The following HORMAD2 variants were observed in gnomAD, a reference collection of about 807,000 sequenced individuals.
HORMAD2 encodes HORMA domain-containing protein 2.
Under a neutral mutation model 38.8 loss-of-function variants are expected in HORMAD2, and 45 were observed. That is an observed-to-expected ratio of 1.16 (90% CI 0.91 to 1.49). HORMAD2 has a LOEUF of 1.49. Among genes scored for constraint, HORMAD2 ranks in the 40% most tolerant of loss-of-function variants. HORMAD2 has a pLI of 0.00. For synonymous variants in HORMAD2, 126 were observed against 122.8 expected, an observed-to-expected ratio of 1.03 and a Z score of -0.17; for missense variants, 338 against 367.0, an observed-to-expected ratio of 0.92 and a Z score of 0.65.
At chr22:30,119,532 T>C (rs1156290193) in intron 8 of HORMAD2, among the ~76,000 whole-genome samples, 1 of 152,328 alleles carries the variant, frequency 6.6e-6, no homozygotes, top group African/African-American at 2.4e-5. Context: ...CACTGCAGTT[T>C]CCTTATGAAG....
chr22:30,116,521 T>C (rs1454661736), intron 7 of HORMAD2, among the ~76,000 whole-genome samples: 2 of 152,188 alleles, frequency 1.3e-5, no homozygotes, highest in Non-Finnish European at 2.9e-5. Flanking sequence ...CTTTGGCCTA[T>C]GTGACTATAT....
intron 10 of HORMAD2, among the ~76,000 whole-genome samples, chr22:30,150,491 TC>T (rs1425187743): frequency 6.6e-6 from 1 of 152,110 alleles, no homozygotes; most frequent in Non-Finnish European, 1.5e-5. Flanking sequence ...TTCCTCCTCT[TC>T]CCCCACCCAC....
chr22:30,147,869 G>A (rs1389681632), intron 10 of HORMAD2, among the ~76,000 whole-genome samples: 1 of 152,144 alleles, frequency 6.6e-6, no homozygotes, highest in African/African-American at 2.4e-5. Context: ...CAGCACTTTG[G>A]GAGGCCCTGG....
intron 5 of HORMAD2, 49 bp from the exon 6 acceptor site, chr22:30,111,747 A>G (rs1921673178): frequency 7.2e-7 from 1 of 1,388,812 alleles, no homozygotes; most frequent in Non-Finnish European, 9.8e-7. Flanking sequence ...GAATGATAAT[A>G]TAGGTGCAAG....
intron 5 of HORMAD2, among the ~76,000 whole-genome samples, chr22:30,106,831 T>C (rs1014717230): frequency 2.0e-5 from 3 of 152,234 alleles, no homozygotes; most frequent in Non-Finnish European, 4.4e-5. Context: ...AATGAGTTAA[T>C]AATCTAAAGC....
chr22:30,204,723 T>TC, the HORMAD2 span, among the ~76,000 whole-genome samples: 1 of 152,168 alleles, frequency 6.6e-6, no homozygotes, highest in African/African-American at 2.4e-5. Flanking sequence ...AAAGACGTTG[T>TC]TTTTCATTTA....
intron 10 of HORMAD2, among the ~76,000 whole-genome samples, chr22:30,125,947 C>T (rs934423141): frequency 7.9e-5 from 12 of 152,070 alleles, no homozygotes; most frequent in Non-Finnish European, 1.8e-4. Context: ...TTACATTTTG[C>T]CCCCTGGACA....
chr22:30,085,212 A>G (rs1414127389), intron 1 of HORMAD2, among the ~76,000 whole-genome samples: 1 of 152,148 alleles, frequency 6.6e-6, no homozygotes, highest in Non-Finnish European at 1.5e-5. Flanking sequence ...ATTTATATGT[A>G]ATGTTCAGAA....
At chr22:30,126,052 C>T (rs1922835913) in intron 10 of HORMAD2, among the ~76,000 whole-genome samples, 1 of 152,280 alleles carries the variant, frequency 6.6e-6, no homozygotes, top group East Asian at 1.9e-4. Flanking sequence ...CCCTGAGAAA[C>T]CCCCAGTCTT....
chr22:30,139,137 A>G (rs935103137), intron 10 of HORMAD2, among the ~76,000 whole-genome samples: 2 of 151,408 alleles, frequency 1.3e-5, no homozygotes, highest in African/African-American at 4.9e-5. Flanking sequence ...CGCATCATCA[A>G]CTTTCCTGGG....
intron 10 of HORMAD2, among the ~76,000 whole-genome samples, chr22:30,161,067 C>A (rs1925412163): frequency 6.6e-6 from 1 of 152,148 alleles, no homozygotes; most frequent in African/African-American, 2.4e-5. Context: ...TCTGCCTCTG[C>A]CTTGTGTGGA....
At chr22:30,202,985 G>A in the HORMAD2 span, among the ~76,000 whole-genome samples, 1 of 152,216 alleles carries the variant, frequency 6.6e-6, no homozygotes, top group Admixed American at 6.5e-5. Flanking sequence ...AGGAGGCTGG[G>A]CCTACAGAGG....
the HORMAD2 span, among the ~76,000 whole-genome samples, chr22:30,194,295 T>C: frequency 2.0e-5 from 3 of 152,134 alleles, no homozygotes; most frequent in Non-Finnish European, 4.4e-5. Flanking sequence ...TAACAACATT[T>C]AGGAGTCTGA....
chr22:30,197,725 T>C, the HORMAD2 span, among the ~76,000 whole-genome samples: 13 of 152,230 alleles, frequency 8.5e-5, no homozygotes, highest in African/African-American at 2.6e-4. Context: ...TTGGTTTGTA[T>C]ATCCAGAATC....
chr22:30,175,448 A>G (rs1926399576), intron 10 of HORMAD2, among the ~76,000 whole-genome samples: 1 of 150,858 alleles, frequency 6.6e-6, no homozygotes, highest in South Asian at 2.1e-4. Flanking sequence ...AATTCCAGGC[A>G]TTAGGGATTG....
chr22:30,134,421 G>A (rs866524113), intron 10 of HORMAD2, among the ~76,000 whole-genome samples: 1 of 146,058 alleles, frequency 6.8e-6, no homozygotes, highest in Admixed American at 6.9e-5. Context: ...ATATATTTAT[G>A]ATTATACTTA....
chr22:30,147,920 T>C (rs973478318), intron 10 of HORMAD2, among the ~76,000 whole-genome samples: 4 of 152,256 alleles, frequency 2.6e-5, no homozygotes, highest in African/African-American at 9.6e-5. Context: ...GACCAGTGCA[T>C]TGGAAAATAT....
chr22:30,134,486 T>C (rs890790987), intron 10 of HORMAD2, among the ~76,000 whole-genome samples: 2 of 148,930 alleles, frequency 1.3e-5, no homozygotes, highest in African/African-American at 4.9e-5. Flanking sequence ...CAATTAACAC[T>C]AACAGGTCTG....
At chr22:30,168,623 G>A (rs1239234317) in intron 10 of HORMAD2, among the ~76,000 whole-genome samples, 1 of 152,090 alleles carries the variant, frequency 6.6e-6, no homozygotes, top group African/African-American at 2.4e-5. Context: ...TTTTTGTCAT[G>A]TTTTACTCCT....
Sources: gnomAD v4.1 joint callset for allele counts (sites outside exome capture counted in the v4.1 genomes callset) on GRCh38, gnomAD v4.1.1 for gene constraint, MANE v1.5 for transcripts, NCBI Gene and HGNC (gene_info 2026-07-23, HGNC 2026-07-21) for gene names.